The following NSMCE2 variants were observed in gnomAD, a reference collection of about 807,000 sequenced individuals.
NSMCE2 encodes E3 SUMO-protein ligase NSE2.
A neutral mutation model predicts 23.8 loss-of-function variants in NSMCE2; 24 were observed. That is an observed-to-expected ratio of 1.01 (90% CI 0.73 to 1.42). The LOEUF (loss-of-function observed/expected upper bound fraction) is 1.42, where lower values mean the gene tolerates loss of function less well. Among genes scored for constraint, NSMCE2 ranks in the 40% most tolerant of loss-of-function variants. The probability of loss-of-function intolerance (pLI) is 0.00; values close to 1 mark genes in which losing one functional copy is unlikely to be tolerated. For missense variants in NSMCE2, 284 were observed against 296.5 expected, an observed-to-expected ratio of 0.96 and a Z score of 0.31; for synonymous variants, 92 against 94.1, an observed-to-expected ratio of 0.98 and a Z score of 0.13.
chr8:125,222,654 A>T (rs1039168611), intron 5 of NSMCE2, among the ~76,000 whole-genome samples: 2 of 152,190 alleles, frequency 1.3e-5, no homozygotes, highest in Non-Finnish European at 2.9e-5. Context: ...TTCACCTAGC[A>T]TAGTGCCCTC....
intron 5 of NSMCE2, among the ~76,000 whole-genome samples, chr8:125,280,873 A>G (rs1827662964): frequency 6.6e-6 from 1 of 152,224 alleles, no homozygotes; most frequent in Non-Finnish European, 1.5e-5. Context: ...ATCTGTAACT[A>G]TATTTGGATT....
chr8:125,221,912 G>A (rs1453536831), intron 5 of NSMCE2, among the ~76,000 whole-genome samples: 1 of 152,136 alleles, frequency 6.6e-6, no homozygotes, highest in African/African-American at 2.4e-5. Flanking sequence ...TAAATGAGAT[G>A]ATGTGAAAGT....
intron 5 of NSMCE2, among the ~76,000 whole-genome samples, chr8:125,255,865 T>C (rs1358395343): frequency 1.3e-5 from 2 of 152,314 alleles, no homozygotes; most frequent in East Asian, 3.9e-4. Context: ...ACCAGTCAGA[T>C]GGCCGTTGCA....
At chr8:125,186,314 C>T (rs993146486) in intron 5 of NSMCE2, among the ~76,000 whole-genome samples, 8 of 152,118 alleles carry the variant, frequency 5.3e-5, no homozygotes, top group Admixed American at 2.6e-4. Context: ...CAAAACTTAC[C>T]GTATTTATTA....
chr8:125,314,191 A>T (rs1022351439), intron 5 of NSMCE2, among the ~76,000 whole-genome samples: 1 of 152,260 alleles, frequency 6.6e-6, no homozygotes, highest in African/African-American at 2.4e-5. Context: ...CCTCCCAGCC[A>T]TTAAAAGCTT....
intron 1 of NSMCE2, among the ~76,000 whole-genome samples, chr8:125,092,960 G>A (rs1476485413): frequency 6.6e-6 from 1 of 152,174 alleles, no homozygotes; most frequent in Non-Finnish European, 1.5e-5. Flanking sequence ...GCCTCTGCCC[G>A]CTAGATGCCA....
In NSMCE2 at chr8:125,311,925, A is replaced by G. The variant is rs560451337; in HGVS notation, c.419-45294A>G. Among the ~76,000 whole-genome samples the G allele has an allele frequency of 5.3e-5, 8 of 152,104 alleles. No homozygotes were observed. The East Asian group carries it at 1.4e-3, about 26-fold the overall frequency. On this transcript the variant is annotated intron_variant, in intron 5 of 7. Transcript: ENST00000287437. Reference sequence around the variant, plus strand: ...CTCTACTAAAAATACAAAATTAGCCAGGCATGGTGGCGCATGCCTGTAATC... The same window carrying G: ...CTCTACTAAAAATACAAAATTAGCCGGGCATGGTGGCGCATGCCTGTAATC...
intron 3 of NSMCE2, among the ~76,000 whole-genome samples, chr8:125,108,204 A>T (rs995553923): frequency 6.6e-6 from 1 of 152,230 alleles, no homozygotes; most frequent in Non-Finnish European, 1.5e-5. Context: ...TAGGAGGTAG[A>T]TGACATGAGA....
At chr8:125,175,042 A>G (rs1018054109) in intron 4 of NSMCE2, among the ~76,000 whole-genome samples, 1 of 152,218 alleles carries the variant, frequency 6.6e-6, no homozygotes, top group Non-Finnish European at 1.5e-5. Context: ...TAGTGTGTCC[A>G]TATGTACATG....
At chr8:125,120,856 T>G (rs1241339759) in intron 3 of NSMCE2, among the ~76,000 whole-genome samples, 4 of 152,232 alleles carry the variant, frequency 2.6e-5, no homozygotes, top group Non-Finnish European at 5.9e-5. Context: ...TTGCATGAAT[T>G]TCTTTGAAGG....
chr8:125,111,031 C>T (rs1462933818), intron 3 of NSMCE2, among the ~76,000 whole-genome samples: 1 of 152,060 alleles, frequency 6.6e-6, no homozygotes, highest in East Asian at 1.9e-4. Flanking sequence ...AGTCCTGACT[C>T]ATGGAAGTGA....
At chr8:125,241,413 C>T (rs1169464732) in intron 5 of NSMCE2, among the ~76,000 whole-genome samples, 1 of 152,198 alleles carries the variant, frequency 6.6e-6, no homozygotes, top group Non-Finnish European at 1.5e-5. Context: ...AGTACATATA[C>T]TTAAAAGAGC....
intron 5 of NSMCE2, among the ~76,000 whole-genome samples, chr8:125,236,911 C>T (rs1163267522): frequency 6.6e-6 from 1 of 151,648 alleles, no homozygotes; most frequent in Non-Finnish European, 1.5e-5. Flanking sequence ...AATACTGGTA[C>T]ATAGTAGAGG....
At chr8:125,211,884 C>T (rs1824360444) in intron 5 of NSMCE2, among the ~76,000 whole-genome samples, 8 of 152,164 alleles carry the variant, frequency 5.3e-5, no homozygotes, top group Admixed American at 5.2e-4. Flanking sequence ...CTTAGATAAT[C>T]TTATATTTTC....
intron 5 of NSMCE2, among the ~76,000 whole-genome samples, chr8:125,352,957 C>T (rs1419595224): frequency 6.6e-6 from 1 of 152,188 alleles, no homozygotes; most frequent in African/African-American, 2.4e-5. Context: ...CTCTTACTCA[C>T]TCGTGACATT....
At chr8:125,252,136 A>C (rs1042572207) in intron 5 of NSMCE2, among the ~76,000 whole-genome samples, 3 of 152,208 alleles carry the variant, frequency 2.0e-5, no homozygotes, top group Non-Finnish European at 4.4e-5. Context: ...GATAGCACCA[A>C]TTCTGGGAAC....
rs552263266 is a variant in NSMCE2 at position 125,099,530 on chromosome 8, CAGAA to C, written c.-110-2518_-110-2515del. On this transcript the variant is annotated intron_variant, in intron 1 of 7. Coordinates refer to ENST00000287437, the MANE Select transcript of NSMCE2 (RefSeq NM_173685.4). The stretch of plus-strand genomic sequence containing the variant: ...GGAGCTCAAGGAGATGGAGAGGAAA[CAGAA>C]AGGAGAATGAGAACAAGAACAAGGT... Among the ~76,000 whole-genome samples, 16 of 152,018 alleles carry C rather than the reference CAGAA, an allele frequency of 1.1e-4. No individual in the cohort carries two copies. In the East Asian group the frequency reaches 3.1e-3, roughly 29 times the overall value.
intron 7 of NSMCE2, among the ~76,000 whole-genome samples, chr8:125,364,543 A>G (rs1016892109): frequency 3.9e-5 from 6 of 152,238 alleles, no homozygotes; most frequent in Admixed American, 2.6e-4. Context: ...GGCAGGAACC[A>G]TGTATTTGTA....
intron 4 of NSMCE2, among the ~76,000 whole-genome samples, chr8:125,167,821 G>A (rs1821972927): frequency 6.6e-6 from 1 of 151,894 alleles, no homozygotes; most frequent in Non-Finnish European, 1.5e-5. Context: ...AGCATTGGGG[G>A]AAGTTTTCTC....
Sources: gnomAD v4.1 joint callset for allele counts (sites outside exome capture counted in the v4.1 genomes callset) on GRCh38, gnomAD v4.1.1 for gene constraint, MANE v1.5 for transcripts, NCBI Gene and HGNC (gene_info 2026-07-23, HGNC 2026-07-21) for gene names.